Variants in FAF2 observed in about 807,000 individuals in gnomAD.
FAF2 encodes the protein Fas associated factor family member 2, also known as FAS-associated factor 2.
In FAF2, 9 loss-of-function variants were observed where a neutral mutation model predicts 62.3. That is an observed-to-expected ratio of 0.14 (90% CI 0.09 to 0.25). The LOEUF is 0.25. Ranked by LOEUF, FAF2 falls within the 10% of genes least tolerant of loss-of-function variation. The probability of loss-of-function intolerance (pLI) is 1.00; values close to 1 mark genes in which losing one functional copy is unlikely to be tolerated. For synonymous variants in FAF2, 202 were observed against 198.0 expected, an observed-to-expected ratio of 1.02 and a Z score of -0.17; for missense variants, 368 against 556.2, an observed-to-expected ratio of 0.66 and a Z score of 3.40.
At chr5:176,488,485 G>A (rs997780379) in intron 3 of FAF2, among the ~76,000 whole-genome samples, 1 of 151,998 alleles carries the variant, frequency 6.6e-6, no homozygotes, top group African/African-American at 2.4e-5. Context: ...TCAGTGGCGC[G>A]ATCTCAGCTC....
chr5:176,499,900 A>G, intron 9 of FAF2, 103 bp from the exon 10 acceptor site: 1 of 1,372,442 alleles, frequency 7.3e-7, no homozygotes, highest in Non-Finnish European at 1.0e-6. Flanking sequence ...TTCTTAGAAT[A>G]CTTAGTCATT....
chr5:176,481,693 T>C (rs1356863785), intron 2 of FAF2, among the ~76,000 whole-genome samples: 1 of 151,390 alleles, frequency 6.6e-6, no homozygotes, highest in Non-Finnish European at 1.5e-5. Flanking sequence ...AGGGTCTTAC[T>C]GTGTCACCCA....
At chr5:176,456,076 G>A (rs1758273217) in intron 1 of FAF2, among the ~76,000 whole-genome samples, 1 of 151,984 alleles carries the variant, frequency 6.6e-6, no homozygotes, top group Admixed American at 6.6e-5. Flanking sequence ...AGACTGACTG[G>A]GTTTGTTTGA....
At chr5:176,448,545 C>CCT in intron 1 of FAF2, 75 bp downstream of exon 1, 1 of 1,414,170 alleles carries the variant, frequency 7.1e-7, no homozygotes, top group East Asian at 2.5e-5. Flanking sequence ...TCAGAACCCT[C>CCT]CTCAGATTGG....
chr5:176,502,812 G>A (rs537787197), intron 10 of FAF2, among the ~76,000 whole-genome samples: 6 of 152,238 alleles, frequency 3.9e-5, no homozygotes, highest in African/African-American at 1.2e-4. Flanking sequence ...CACTTTGGGG[G>A]GCCGAGGCAG....
In FAF2 at chr5:176,499,878, C is replaced by T. The variant is rs1025269003; in HGVS notation, c.1012-125C>T. The T allele has an allele frequency of 5.4e-6, 6 of 1,110,526 alleles. No individual in the cohort carries two copies. The African/African-American group carries it at 9.4e-5, about 17-fold the overall frequency. The allele number at this position is 1,110,526 out of a possible 1,614,324, so 68.8% of individuals were successfully genotyped here. On this transcript the variant is annotated intron_variant, in intron 9 of 10. Coordinates refer to ENST00000261942, the MANE Select transcript of FAF2 (RefSeq NM_014613.3). ...TAAATTTAGGTTGTTTTTGACTATT[C>T]CTGAGAGGTTTTTCTTAGAATACTT...
chr5:176,479,926 C>T (rs1245061683), intron 2 of FAF2, among the ~76,000 whole-genome samples: 37 of 152,120 alleles, frequency 2.4e-4, no homozygotes, highest in Admixed American at 2.4e-3. Context: ...AACTCCTGAC[C>T]TCAGATGATC....
intron 10 of FAF2, among the ~76,000 whole-genome samples, chr5:176,500,562 T>A (rs1755575601): frequency 6.6e-6 from 1 of 152,190 alleles, no homozygotes; most frequent in African/African-American, 2.4e-5. Context: ...TGAAGTGACA[T>A]ATCTGAATAT....
At chr5:176,474,928 C>T (rs761177221) in intron 1 of FAF2, among the ~76,000 whole-genome samples, 1 of 152,122 alleles carries the variant, frequency 6.6e-6, no homozygotes, top group Non-Finnish European at 1.5e-5. Flanking sequence ...AATCCTGTCC[C>T]AGGTGTGTCC....
rs2113746563 is a variant in FAF2, at chr5:176,500,172, G to GTGTATT, written c.1155+31_1155+32insTTGTAT. On this transcript the variant is annotated intron_variant, in intron 10 of 10. Coordinates refer to ENST00000261942, the MANE Select transcript of FAF2 (RefSeq NM_014613.3). Reference sequence around the variant, plus strand: ...GTAAGGACCACCTAAGTTCTGTGAAGTGTATGTAGCATCTGGGCTATAGAT... The same window carrying GTGTATT: ...GTAAGGACCACCTAAGTTCTGTGAAGTGTATTTGTATGTAGCATCTGGGCTATAGAT... The GTGTATT allele has an allele frequency of 1.9e-6, 3 of 1,611,494 alleles. No individual in the cohort carries two copies. The East Asian group carries it at 6.7e-5, about 36-fold the overall frequency.
At chr5:176,465,366 CTTTTTTT>C (rs70991554) in intron 1 of FAF2, among the ~76,000 whole-genome samples, 4 of 115,700 alleles carry the variant, frequency 3.5e-5, no homozygotes, top group Non-Finnish European at 6.8e-5. Flanking sequence ...CTTTTTCTTT[CTTTTTTT>C]TTTTTTTTTT....
chr5:176,488,975 T>C lies in FAF2; in HGVS notation c.292T>C (p.Leu98=). 6.2e-7 allele frequency: 1 copy of C among 1,614,066 alleles called. No homozygotes were observed. Among genetic ancestry groups the C allele is most frequent in the Non-Finnish European group, 8.5e-7 (1 of 1,179,944 alleles). ...PRGLLGWGYY[L]IMLPFRFTYY... ...GGGGCTGCTTGGATGGGGTTATTACTTGATAATGCTTCCATTCCGGTTTAC... is the reference window on the plus strand; with the variant it reads ...GGGGCTGCTTGGATGGGGTTATTACCTGATAATGCTTCCATTCCGGTTTAC... The change falls in exon 4 of 11, where the codon TTG becomes CTG. Residue 98 remains leucine, a synonymous_variant. Coordinates refer to ENST00000261942, the MANE Select transcript of FAF2 (RefSeq NM_014613.3).
intron 1 of FAF2, among the ~76,000 whole-genome samples, chr5:176,474,197 T>TTACC (rs1164736442): frequency 6.6e-6 from 1 of 152,220 alleles, no homozygotes; most frequent in African/African-American, 2.4e-5. Context: ...ATTCTATCCA[T>TTACC]TACCACTCTA....
chr5:176,501,987 C>G (rs1221733483), intron 10 of FAF2, among the ~76,000 whole-genome samples: 1 of 152,030 alleles, frequency 6.6e-6, no homozygotes, highest in Non-Finnish European at 1.5e-5. Flanking sequence ...GAACTCCTAA[C>G]CTCAAGTGAT....
intron 2 of FAF2, among the ~76,000 whole-genome samples, chr5:176,482,401 C>T (rs926356770): frequency 6.6e-5 from 10 of 151,910 alleles, no homozygotes; most frequent in Admixed American, 3.9e-4. Flanking sequence ...TTAGTAGAGG[C>T]GAGGTTTCTC....
At chr5:176,482,289 C>T (rs1758793757) in intron 2 of FAF2, among the ~76,000 whole-genome samples, 1 of 150,000 alleles carries the variant, frequency 6.7e-6, no homozygotes, top group African/African-American at 2.5e-5. Flanking sequence ...GTGATCACGG[C>T]TCACTGCAAC....
chr5:176,490,303 T>C (rs1217984854), intron 4 of FAF2, among the ~76,000 whole-genome samples: 1 of 140,598 alleles, frequency 7.1e-6, no homozygotes, highest in Admixed American at 7.5e-5. Context: ...AGAGTGGGAC[T>C]CCGTCTCAAA....
At chr5:176,471,294 A>T (rs906114990) in intron 1 of FAF2, among the ~76,000 whole-genome samples, 5 of 151,900 alleles carry the variant, frequency 3.3e-5, no homozygotes, top group African/African-American at 1.2e-4. Context: ...TAAAATGTGC[A>T]TATGATCATG....
chr5:176,451,092 C>T (rs1037070602), intron 1 of FAF2, among the ~76,000 whole-genome samples: 1 of 152,066 alleles, frequency 6.6e-6, no homozygotes, highest in Non-Finnish European at 1.5e-5. Flanking sequence ...TATTTTAGAC[C>T]ATGTGTGGTG....
Sources: allele counts gnomAD v4.1 joint callset (sites outside exome capture counted in the v4.1 genomes callset), GRCh38; gene constraint gnomAD v4.1.1; transcripts MANE v1.5; gene names NCBI Gene and HGNC (gene_info 2026-07-23, HGNC 2026-07-21).